The following SH3RF1 variants were observed in gnomAD, a reference collection of about 807,000 sequenced individuals.
SH3RF1 encodes the protein SH3 domain containing ring finger 1.
In SH3RF1, 32 loss-of-function variants were observed where a neutral mutation model predicts 74.0. That is an observed-to-expected ratio of 0.43 (90% CI 0.33 to 0.58). SH3RF1 has a LOEUF of 0.58. Among genes scored for constraint, SH3RF1 ranks in the 20% least tolerant of loss-of-function variants. SH3RF1 has a pLI of 0.05. For synonymous variants in SH3RF1, 396 were observed against 439.6 expected (o/e 0.90, Z 1.24); for missense variants, 954 against 1,130.9 (o/e 0.84, Z 2.24).
At chr4:169,142,962 A>G (rs1469412357) in intron 4 of SH3RF1, among the ~76,000 whole-genome samples, 2 of 152,216 alleles carry the variant, frequency 1.3e-5, no homozygotes, top group African/African-American at 2.4e-5. Context: ...AACTTCATTT[A>G]TAATGCAAGA....
intron 2 of SH3RF1, among the ~76,000 whole-genome samples, chr4:169,251,642 G>C (rs536541021): frequency 6.6e-6 from 1 of 152,280 alleles, no homozygotes; most frequent in South Asian, 2.1e-4. Context: ...GTGAGAAATG[G>C]AATGCACTGG....
intron 2 of SH3RF1, among the ~76,000 whole-genome samples, chr4:169,195,966 A>C (rs534843569): frequency 1.2e-3 from 185 of 152,052 alleles, no homozygotes; most frequent in Non-Finnish European, 2.2e-3. Flanking sequence ...GGTGTGCACC[A>C]TTATGACCAG....
chr4:169,163,547 AACCAC>A (rs2126968951), intron 2 of SH3RF1, among the ~76,000 whole-genome samples: 1 of 152,316 alleles, frequency 6.6e-6, no homozygotes, highest in South Asian at 2.1e-4. Context: ...AGCAAACTAT[AACCAC>A]AGTAACAAGG....
intron 6 of SH3RF1, among the ~76,000 whole-genome samples, chr4:169,123,419 C>A (rs1733474322): frequency 6.6e-6 from 1 of 152,288 alleles, no homozygotes; most frequent in African/African-American, 2.4e-5. Flanking sequence ...AAGCGACTTT[C>A]AATAAAGATT....
chr4:169,208,636 G>A (rs1054537276), intron 2 of SH3RF1, among the ~76,000 whole-genome samples: 17 of 152,162 alleles, frequency 1.1e-4, no homozygotes, highest in African/African-American at 4.1e-4. Context: ...GAGAAGAGGA[G>A]ATGACACACA....
chr4:169,253,487 T>C (rs1412981332), intron 2 of SH3RF1, among the ~76,000 whole-genome samples: 1 of 152,242 alleles, frequency 6.6e-6, no homozygotes, highest in Non-Finnish European at 1.5e-5. Context: ...GATTTGAGAC[T>C]TGGAAAGGAT....
intron 2 of SH3RF1, among the ~76,000 whole-genome samples, chr4:169,263,257 G>A (rs757473283): frequency 6.6e-5 from 10 of 152,032 alleles, no homozygotes; most frequent in African/African-American, 2.2e-4. Context: ...CAAGGACCAC[G>A]AACTACAAAA....
chr4:169,142,229 T>G (rs1214010243), intron 4 of SH3RF1, among the ~76,000 whole-genome samples: 1 of 152,204 alleles, frequency 6.6e-6, no homozygotes, highest in African/African-American at 2.4e-5. Flanking sequence ...GTGCTGGCAT[T>G]ACAGGCGTGA....
At chr4:169,174,187 C>T (rs202060267) in intron 2 of SH3RF1, among the ~76,000 whole-genome samples, 9 of 152,134 alleles carry the variant, frequency 5.9e-5, no homozygotes, top group African/African-American at 1.2e-4. Flanking sequence ...TTCAGCCCCT[C>T]GAAAGCTGTG....
At chr4:169,263,199 C>T (rs1731307226) in intron 2 of SH3RF1, among the ~76,000 whole-genome samples, 3 of 152,106 alleles carry the variant, frequency 2.0e-5, no homozygotes. Flanking sequence ...GGAGCATGTC[C>T]CAACCACTCT....
chr4:169,270,133 G>A (rs1265554818), intron 1 of SH3RF1, among the ~76,000 whole-genome samples: 1 of 152,238 alleles, frequency 6.6e-6, no homozygotes, highest in Non-Finnish European at 1.5e-5. Context: ...CAAAATAAAT[G>A]TAAAAGTGAA....
chr4:169,212,065 T>C (rs1327661103), intron 2 of SH3RF1, among the ~76,000 whole-genome samples: 8 of 133,100 alleles, frequency 6.0e-5, no homozygotes, highest in Non-Finnish European at 9.5e-5. Flanking sequence ...TTCTTTTTTT[T>C]TTTTTTTTTT....
chr4:169,169,034 A>T (rs911781193), intron 2 of SH3RF1, among the ~76,000 whole-genome samples: 1 of 152,232 alleles, frequency 6.6e-6, no homozygotes, highest in Admixed American at 6.5e-5. Flanking sequence ...AAACAAGCTC[A>T]GCTGTGGTCA....
rs1561036118 is a variant in SH3RF1, at chr4:169,145,897, TAC to T, written c.766-9279_766-9278del. 3.4e-3 allele frequency among the ~76,000 whole-genome samples: 440 copies of T among 128,720 alleles called. 115 individuals are homozygous for T. Among genetic ancestry groups the T allele is most frequent in the African/African-American group, 0.013 (425 of 32,746 alleles). 84.4% of individuals were successfully genotyped at this position (128,720 alleles called of 152,430 possible). On this transcript the variant is annotated intron_variant, in intron 4 of 11. Transcript: ENST00000284637. ...CTATATATTATTCTATATAAAATAT[TAC>T]ATATTCTATATATTATTCTATATAA... is the stretch of plus-strand genomic sequence containing the variant.
chr4:169,207,043 T>C (rs190374562), intron 2 of SH3RF1, among the ~76,000 whole-genome samples: 4 of 152,130 alleles, frequency 2.6e-5, no homozygotes, highest in African/African-American at 7.2e-5. Flanking sequence ...ACTGCAGCCT[T>C]GATCTCCCAG....
At chr4:169,195,427 T>C (rs1412596574) in intron 2 of SH3RF1, among the ~76,000 whole-genome samples, 1 of 152,200 alleles carries the variant, frequency 6.6e-6, no homozygotes, top group African/African-American at 2.4e-5. Flanking sequence ...TTTATCATTC[T>C]TGGAGTTCAC....
intron 10 of SH3RF1, among the ~76,000 whole-genome samples, chr4:169,111,238 C>T (rs550972253): frequency 1.4e-5 from 2 of 148,016 alleles, no homozygotes; most frequent in Admixed American, 6.7e-5. Flanking sequence ...GAGGTAGAGG[C>T]TGCAGTGAGT....
chr4:169,268,471 ACT>A (rs551458238), intron 2 of SH3RF1, among the ~76,000 whole-genome samples: 270 of 152,326 alleles, frequency 1.8e-3, no homozygotes, highest in Non-Finnish European at 3.1e-3. Flanking sequence ...TGTAATTATG[ACT>A]CTGAGCCCCA....
intron 6 of SH3RF1, among the ~76,000 whole-genome samples, chr4:169,128,107 G>A (rs1018148361): frequency 2.6e-5 from 4 of 152,160 alleles, no homozygotes; most frequent in African/African-American, 7.2e-5. Flanking sequence ...GAAAAGTTAA[G>A]TCCTTTTCTT....
Sources: gnomAD v4.1 joint callset for allele counts (sites outside exome capture counted in the v4.1 genomes callset) on GRCh38, gnomAD v4.1.1 for gene constraint, MANE v1.5 for transcripts, NCBI Gene and HGNC (gene_info 2026-07-23, HGNC 2026-07-21) for gene names.